DLGAP1: variants seen among roughly 807,000 people sequenced by gnomAD.
DLGAP1 encodes the protein disks large-associated protein 1.
DLGAP1 carries 11 observed loss-of-function variants against 90.8 expected under a neutral mutation model. The observed-to-expected ratio is 0.12, with a 90% confidence interval of 0.08 to 0.20. The LOEUF (loss-of-function observed/expected upper bound fraction) is 0.20, where lower values mean the gene tolerates loss of function less well. Ranked by LOEUF, DLGAP1 falls within the 10% of genes least tolerant of loss-of-function variation. The pLI is 1.00. For missense variants in DLGAP1, 1,050 were observed against 1,333.8 expected (o/e 0.79, Z 3.31); for synonymous variants, 558 against 540.7 (o/e 1.03, Z -0.44).
intron 3 of DLGAP1, among the ~76,000 whole-genome samples, chr18:3,991,999 C>T (rs1455480305): frequency 6.6e-6 from 1 of 152,154 alleles, no homozygotes; most frequent in Non-Finnish European, 1.5e-5. Context: ...GTACTTCTCT[C>T]CCCTGATGGC....
intron 2 of DLGAP1, among the ~76,000 whole-genome samples, chr18:4,063,036 CT>C (rs541203022): frequency 5.1e-4 from 77 of 152,094 alleles, no homozygotes; most frequent in Non-Finnish European, 6.6e-4. Flanking sequence ...TGTATTAATG[CT>C]TTTTTTATGT....
chr18:3,773,682 A>T (rs534892440), intron 5 of DLGAP1, among the ~76,000 whole-genome samples: 242 of 152,326 alleles, frequency 1.6e-3, no homozygotes, highest in African/African-American at 5.8e-3. Flanking sequence ...ATCTAGCTAA[A>T]TTCATTTTTA....
chr18:3,580,870 G>A, intron 8 of DLGAP1: 1 of 1,049,926 alleles, frequency 9.5e-7, no homozygotes, highest in South Asian at 1.4e-5. Flanking sequence ...GTGGCCGGTT[G>A]TACCCTGCAG....
intron 1 of DLGAP1, among the ~76,000 whole-genome samples, chr18:4,233,386 A>T (rs892366281): frequency 2.0e-5 from 3 of 152,194 alleles, no homozygotes; most frequent in African/African-American, 4.8e-5. Flanking sequence ...TGTTTTGCAT[A>T]AGGTCTTTCA....
intron 5 of DLGAP1, among the ~76,000 whole-genome samples, chr18:3,751,928 G>C (rs1386240129): frequency 6.7e-6 from 1 of 148,680 alleles, no homozygotes; most frequent in Non-Finnish European, 1.5e-5. Context: ...CTGTCACCCA[G>C]GCTGGAATGC....
intron 5 of DLGAP1, among the ~76,000 whole-genome samples, chr18:3,755,179 GAA>G (rs1160897264): frequency 6.6e-6 from 1 of 151,642 alleles, no homozygotes; most frequent in South Asian, 2.1e-4. Flanking sequence ...TTTTTCACTA[GAA>G]AAAATATATA....
At chr18:4,198,566 A>G (rs753484937) in intron 1 of DLGAP1, among the ~76,000 whole-genome samples, 1 of 152,226 alleles carries the variant, frequency 6.6e-6, no homozygotes, top group Non-Finnish European at 1.5e-5. Context: ...ATGGTCATCG[A>G]TAATATTATG....
intron 3 of DLGAP1, among the ~76,000 whole-genome samples, chr18:3,991,480 T>C (rs1188977701): frequency 6.6e-6 from 1 of 152,190 alleles, no homozygotes; most frequent in East Asian, 1.9e-4. Flanking sequence ...GTGGGAACCT[T>C]GGGGTTAGCA....
At chr18:4,026,409 A>G (rs998974349) in intron 2 of DLGAP1, among the ~76,000 whole-genome samples, 4 of 152,206 alleles carry the variant, frequency 2.6e-5, no homozygotes, top group Non-Finnish European at 5.9e-5. Flanking sequence ...CTTCTGCTCC[A>G]GTTTAGAAGG....
chr18:4,073,759 A>G (rs982540444), intron 2 of DLGAP1, among the ~76,000 whole-genome samples: 1 of 152,114 alleles, frequency 6.6e-6, no homozygotes, highest in South Asian at 2.1e-4. Context: ...AGGAGAAGAT[A>G]TTTAGATATC....
chr18:4,190,179 T>A (rs1430190966), intron 1 of DLGAP1, among the ~76,000 whole-genome samples: 1 of 151,922 alleles, frequency 6.6e-6, no homozygotes, highest in Admixed American at 6.6e-5. Flanking sequence ...TATTATTCAG[T>A]AATGTGAAAA....
rs902232351 is a variant in DLGAP1 at position 4,399,644 on chromosome 18, G to A, written c.-267+55362C>T. 1.2e-4 allele frequency among the ~76,000 whole-genome samples: 18 copies of A among 152,112 alleles called. 1 individual carries two copies. Among genetic ancestry groups the A allele is most frequent in the African/African-American group, 3.1e-4 (13 of 41,410 alleles). On this transcript the variant is annotated intron_variant, in intron 1 of 12. Coordinates refer to ENST00000315677, the MANE Select transcript of DLGAP1 (RefSeq NM_004746.4). ...TGTTGGGGATAAAGCCAGCACTCTC[G>A]TTCAGCACAATTAATCCCACAGGAT...
intron 1 of DLGAP1, among the ~76,000 whole-genome samples, chr18:4,411,180 A>G (rs376616239): frequency 4.6e-5 from 7 of 151,926 alleles, no homozygotes; most frequent in Admixed American, 2.6e-4. Flanking sequence ...TTTTCATGCA[A>G]CTCTCTGAGT....
intron 3 of DLGAP1, among the ~76,000 whole-genome samples, chr18:3,954,622 T>C (rs1312336397): frequency 2.6e-5 from 4 of 152,186 alleles, no homozygotes; most frequent in African/African-American, 4.8e-5. Flanking sequence ...CTCAGAATTA[T>C]CTATAAGAAA....
chr18:4,264,270 C>T (rs778895491), intron 1 of DLGAP1, among the ~76,000 whole-genome samples: 9 of 152,194 alleles, frequency 5.9e-5, no homozygotes, highest in Non-Finnish European at 1.2e-4. Flanking sequence ...CAATCATTTG[C>T]TTTTCTCATC....
chr18:3,816,204 A>G (rs2067096410), intron 4 of DLGAP1, among the ~76,000 whole-genome samples: 1 of 152,208 alleles, frequency 6.6e-6, no homozygotes, highest in African/African-American at 2.4e-5. Flanking sequence ...TTGCCAAAGG[A>G]CACACAGCTA....
At chr18:4,423,850 T>TAAAA (rs1567910445) in intron 1 of DLGAP1, among the ~76,000 whole-genome samples, 1 of 7,844 alleles carries the variant, frequency 1.3e-4, no homozygotes, top group African/African-American at 3.3e-4. Flanking sequence ...GCCCAGGAAT[T>TAAAA]TAAAAAAAAA....
Position 4,209,260 on chromosome 18 carries a change from AG to A in DLGAP1, c.-266-57974del, listed in dbSNP as rs555593382. 2.1e-4 allele frequency among the ~76,000 whole-genome samples: 32 copies of A among 152,328 alleles called. No individual in the cohort carries two copies. In the South Asian group the frequency reaches 6.4e-3, roughly 31 times the overall value. On this transcript the variant is annotated intron_variant, in intron 1 of 12. Transcript: ENST00000315677. ...TCCACCAGGCAGCCTGAGAGCTGCCAGGAAGACTGAACTGGAGCCATGCAAA... is the reference window on the plus strand; with the variant it reads ...TCCACCAGGCAGCCTGAGAGCTGCCAGAAGACTGAACTGGAGCCATGCAAA...
At chr18:3,768,766 C>T (rs916593167) in intron 5 of DLGAP1, among the ~76,000 whole-genome samples, 7 of 152,098 alleles carry the variant, frequency 4.6e-5, no homozygotes, top group African/African-American at 1.5e-4. Flanking sequence ...TCCCACCTTA[C>T]GCAAACTCAA....
Sources: allele counts gnomAD v4.1 joint callset (sites outside exome capture counted in the v4.1 genomes callset), GRCh38; gene constraint gnomAD v4.1.1; transcripts MANE v1.5; gene names NCBI Gene and HGNC (gene_info 2026-07-23, HGNC 2026-07-21).